The following KIF16B variants were observed in gnomAD, a reference collection of about 807,000 sequenced individuals.
KIF16B encodes the protein kinesin family member 16B.
A neutral mutation model predicts 156.3 loss-of-function variants in KIF16B; 98 were observed. The ratio of observed to expected loss-of-function variants is 0.63; its 90% confidence interval spans 0.53 to 0.74. The LOEUF (loss-of-function observed/expected upper bound fraction) is 0.74. Ranked by LOEUF, KIF16B falls within the 30% of genes least tolerant of loss-of-function variation. KIF16B has a pLI of 0.00. For missense variants in KIF16B, 1,421 were observed against 1,606.5 expected (o/e 0.88, Z 1.97); for synonymous variants, 564 against 583.7 (o/e 0.97, Z 0.49).
At chr20:16,506,308 A>G in intron 7 of KIF16B, 118 bp from the exon 8 acceptor site, 1 of 850,324 alleles carries the variant, frequency 1.2e-6, no homozygotes, top group South Asian at 1.7e-5. Flanking sequence ...GATATTTTTC[A>G]ATTTTATTGT....
chr20:16,309,619 A>G (rs1051809176), intron 25 of KIF16B, among the ~76,000 whole-genome samples: 1 of 152,214 alleles, frequency 6.6e-6, no homozygotes, highest in African/African-American at 2.4e-5. Context: ...CAAGGTCCAA[A>G]TCTTAGAAAT....
At chr20:16,274,099 G>T (rs2063025420) in intron 25 of KIF16B, among the ~76,000 whole-genome samples, 1 of 147,652 alleles carries the variant, frequency 6.8e-6, no homozygotes, top group African/African-American at 2.6e-5. Flanking sequence ...AAAAAAAAAA[G>T]GCCGGCCATC....
chr20:16,409,724 G>C (rs2065872266), intron 15 of KIF16B, among the ~76,000 whole-genome samples: 1 of 151,590 alleles, frequency 6.6e-6, no homozygotes, highest in African/African-American at 2.4e-5. Context: ...GGAGACGGGG[G>C]TGAGGAAGAT....
At chr20:16,335,210 A>T (rs1441073512) in intron 24 of KIF16B, among the ~76,000 whole-genome samples, 1 of 152,216 alleles carries the variant, frequency 6.6e-6, no homozygotes, top group Non-Finnish European at 1.5e-5. Context: ...GTTCAACACA[A>T]AATTCCCAGA....
At chr20:16,329,493 T>C (rs2063913008) in intron 24 of KIF16B, among the ~76,000 whole-genome samples, 1 of 152,216 alleles carries the variant, frequency 6.6e-6, no homozygotes, top group South Asian at 2.1e-4. Flanking sequence ...ATTCGCATGA[T>C]AAAATTTCAA....
chr20:16,279,660 T>C (rs1407524211), intron 25 of KIF16B, among the ~76,000 whole-genome samples: 1 of 152,132 alleles, frequency 6.6e-6, no homozygotes, highest in African/African-American at 2.4e-5. Context: ...CCTAGGAGGC[T>C]CTGGAGAATC....
chr20:16,517,928 C>T (rs958470974), intron 3 of KIF16B, among the ~76,000 whole-genome samples: 1 of 152,160 alleles, frequency 6.6e-6, no homozygotes, highest in Admixed American at 6.5e-5. Context: ...GAAAATATCA[C>T]ATTTAAACCA....
At chr20:16,284,663 G>C (rs765353166) in intron 25 of KIF16B, among the ~76,000 whole-genome samples, 3 of 152,078 alleles carry the variant, frequency 2.0e-5, no homozygotes, top group Non-Finnish European at 2.9e-5. Flanking sequence ...AGTTCCTCAC[G>C]AGCTCAAAGA....
intron 1 of KIF16B, among the ~76,000 whole-genome samples, chr20:16,554,873 G>A (rs991953310): frequency 3.3e-5 from 5 of 152,236 alleles, no homozygotes; most frequent in East Asian, 3.9e-4. Context: ...GGGAGCTGGC[G>A]CCCATGCCAG....
intron 12 of KIF16B, among the ~76,000 whole-genome samples, chr20:16,488,821 G>A (rs535276657): frequency 1.7e-4 from 26 of 152,294 alleles, no homozygotes; most frequent in African/African-American, 6.3e-4. Flanking sequence ...AAATCACACT[G>A]AGGCAGCATT....
intron 25 of KIF16B, among the ~76,000 whole-genome samples, chr20:16,301,018 C>A (rs1050703982): frequency 3.9e-5 from 6 of 152,202 alleles, no homozygotes; most frequent in African/African-American, 1.4e-4. Flanking sequence ...TCCCTGGCAA[C>A]CACTGATCCT....
At chr20:16,569,897 G>A (rs933557732) in intron 1 of KIF16B, among the ~76,000 whole-genome samples, 7 of 152,046 alleles carry the variant, frequency 4.6e-5, no homozygotes, top group South Asian at 4.1e-4. Context: ...TTTGCCTAAT[G>A]GATTCATCAT....
intron 17 of KIF16B, among the ~76,000 whole-genome samples, chr20:16,382,635 T>C (rs1354965217): frequency 2.0e-5 from 3 of 152,216 alleles, no homozygotes; most frequent in African/African-American, 7.2e-5. Flanking sequence ...TATCAAATAC[T>C]ATATTTAATT....
intron 24 of KIF16B, among the ~76,000 whole-genome samples, chr20:16,335,242 TC>T (rs1313513254): frequency 2.0e-5 from 3 of 152,228 alleles, no homozygotes; most frequent in African/African-American, 7.2e-5. Context: ...AGATAATGCT[TC>T]CTTTAGTTGA....
At chr20:16,452,328 ACAGAAAATT>A (rs369422462) in intron 12 of KIF16B, among the ~76,000 whole-genome samples, 3 of 152,292 alleles carry the variant, frequency 2.0e-5, no homozygotes, top group Middle Eastern at 3.4e-3. Context: ...CCTCATGCTA[ACAGAAAATT>A]CAGAAAAATA....
intron 1 of KIF16B, among the ~76,000 whole-genome samples, chr20:16,560,652 C>T (rs942911434): frequency 6.6e-6 from 1 of 152,048 alleles, no homozygotes; most frequent in African/African-American, 2.4e-5. Flanking sequence ...AAAAGAAATA[C>T]AAAAATCACT....
intron 22 of KIF16B, among the ~76,000 whole-genome samples, chr20:16,358,830 T>C (rs1260232549): frequency 6.6e-6 from 1 of 152,234 alleles, no homozygotes; most frequent in Non-Finnish European, 1.5e-5. Flanking sequence ...AGCTAAGCAA[T>C]GGAGACTTAC....
rs927072311 is a variant in KIF16B at position 16,409,551 on chromosome 20, G to A, written c.1613-3095C>T. On this transcript the variant is annotated intron_variant, in intron 15 of 25. Transcript: ENST00000354981. The stretch of plus-strand genomic sequence containing the variant: ...TGAAGAAAGGCCAAACAGGGCAAGA[G>A]TGAATATGGCTAAGCAAGCCAGGTG... Among the ~76,000 whole-genome samples the A allele has an allele frequency of 1.6e-4, 24 of 152,216 alleles. 1 individual carries two copies. The South Asian group carries it at 4.3e-3, about 28-fold the overall frequency.
chr20:16,422,999 G>A (rs764908446), intron 15 of KIF16B, among the ~76,000 whole-genome samples: 2 of 152,074 alleles, frequency 1.3e-5, no homozygotes, highest in Non-Finnish European at 2.9e-5. Context: ...AAAACTGTGT[G>A]ATACTGCTTC....
Sources: gnomAD v4.1 joint callset for allele counts (sites outside exome capture counted in the v4.1 genomes callset) on GRCh38, gnomAD v4.1.1 for gene constraint, MANE v1.5 for transcripts, NCBI Gene and HGNC (gene_info 2026-07-23, HGNC 2026-07-21) for gene names.